GALM: variants seen among roughly 807,000 people sequenced by gnomAD.
GALM encodes galactose mutarotase.
Under a neutral mutation model 37.4 loss-of-function variants are expected in GALM, and 43 were observed. The ratio of observed to expected loss-of-function variants is 1.15; its 90% confidence interval spans 0.90 to 1.48. The LOEUF is 1.48. GALM is among the 40% of genes most tolerant of loss of function. The probability of loss-of-function intolerance (pLI) is 0.00; values close to 1 mark genes in which losing one functional copy is unlikely to be tolerated. For synonymous variants in GALM, 199 were observed against 170.6 expected (o/e 1.17, Z -1.30); for missense variants, 456 against 419.1 (o/e 1.09, Z -0.77).
At chr2:38,666,390 G>T in intron 1 of GALM, 39 bp downstream of exon 1, 1 of 1,491,874 alleles carries the variant, frequency 6.7e-7, no homozygotes, top group Non-Finnish European at 9.2e-7. Flanking sequence ...GCAGGCCCCA[G>T]GCCCACGCTA....
chr2:38,715,959 A>G (rs1352486485), intron 4 of GALM, among the ~76,000 whole-genome samples: 1 of 152,232 alleles, frequency 6.6e-6, no homozygotes, highest in Non-Finnish European at 1.5e-5. Context: ...AGCCTCCACA[A>G]ATTTATACAG....
intron 4 of GALM, among the ~76,000 whole-genome samples, chr2:38,717,000 C>T (rs1666281403): frequency 6.6e-6 from 1 of 152,196 alleles, no homozygotes; most frequent in South Asian, 2.1e-4. Flanking sequence ...CCTGTAATCC[C>T]AGCACTTTGG....
intron 4 of GALM, among the ~76,000 whole-genome samples, chr2:38,691,284 T>C (rs1242039975): frequency 6.6e-6 from 1 of 152,242 alleles, no homozygotes; most frequent in African/African-American, 2.4e-5. Flanking sequence ...GCATAATTTG[T>C]GCATTTAAAG....
Position 38,702,739 on chromosome 2 carries a change from C to A in GALM, c.634+12845C>A, listed in dbSNP as rs1665944032. On this transcript the variant is annotated intron_variant, in intron 4 of 6. Transcript: ENST00000272252. ...GCTAGAAGGGAGCTTCAGGCTTGGTCTCTTCGGGTTGAAGCTAGAAAACTA... is the reference window on the plus strand; with the variant it reads ...GCTAGAAGGGAGCTTCAGGCTTGGTATCTTCGGGTTGAAGCTAGAAAACTA... Among the ~76,000 whole-genome samples, 4 of 151,808 alleles carry A rather than the reference C, an allele frequency of 2.6e-5. No individual in the cohort carries two copies. The South Asian group carries it at 8.3e-4, about 32-fold the overall frequency.
At chr2:38,708,716 G>A (rs1275742421) in intron 4 of GALM, among the ~76,000 whole-genome samples, 2 of 144,838 alleles carry the variant, frequency 1.4e-5, no homozygotes, top group East Asian at 2.0e-4. Flanking sequence ...GTGATAGAGC[G>A]AGACTCTGTC....
At chr2:38,666,528 A>G (rs1362005883) in intron 1 of GALM, among the ~76,000 whole-genome samples, 177 bp downstream of exon 1, 1 of 152,222 alleles carries the variant, frequency 6.6e-6, no homozygotes, top group Non-Finnish European at 1.5e-5. Flanking sequence ...AGCATTTGGG[A>G]AAAACTGTAA....
intron 4 of GALM, among the ~76,000 whole-genome samples, chr2:38,714,217 G>A (rs567473457): frequency 1.3e-5 from 2 of 151,810 alleles, no homozygotes; most frequent in South Asian, 4.2e-4. Flanking sequence ...TTTTTGCGGG[G>A]GGGTTGTTGT....
chr2:38,677,490 C>T (rs558481947), intron 2 of GALM, among the ~76,000 whole-genome samples: 33 of 152,218 alleles, frequency 2.2e-4, no homozygotes, highest in Middle Eastern at 3.4e-3. Context: ...ATGTGCTCTG[C>T]CAGTATTAGG....
At chr2:38,725,938 C>T (rs1666477152) in intron 4 of GALM, among the ~76,000 whole-genome samples, 1 of 152,010 alleles carries the variant, frequency 6.6e-6, no homozygotes, top group Admixed American at 6.6e-5. Context: ...TCTCAAACTC[C>T]TGACCTCAAG....
chr2:38,716,966 T>C (rs1241700375), intron 4 of GALM, among the ~76,000 whole-genome samples: 1 of 152,138 alleles, frequency 6.6e-6, no homozygotes, highest in African/African-American at 2.4e-5. Flanking sequence ...ATTTACGCTA[T>C]GGGGCCGGGC....
intron 3 of GALM, among the ~76,000 whole-genome samples, chr2:38,684,623 T>C (rs1257441242): frequency 6.6e-6 from 1 of 152,138 alleles, no homozygotes; most frequent in Non-Finnish European, 1.5e-5. Flanking sequence ...CTGCCCAACA[T>C]GGTAAAAACC....
At chr2:38,673,605 T>C (rs915333593) in intron 1 of GALM, among the ~76,000 whole-genome samples, 4 of 152,018 alleles carry the variant, frequency 2.6e-5, no homozygotes, top group Non-Finnish European at 4.4e-5. Context: ...GGTCAGGAGA[T>C]CGAGACCATC....
At position 38,675,527 on chromosome 2, in the gene GALM, TTTTTTTTTTTTTTTTTTGTGTG is replaced by T. The variant is rs1665227191; in HGVS notation, c.191-383_191-362del. On this transcript the variant is annotated intron_variant, in intron 1 of 6. Transcript: ENST00000272252. ...CACCTTTGGATTGAGGGTTTTTTTG[TTTTTTTTTTTTTTTTTTGTGTG>T]TGTGTGTGTGTGTGTGTGTGTGTGT... is the stretch of plus-strand genomic sequence containing the variant. Among the ~76,000 whole-genome samples the T allele has an allele frequency of 1.0e-4, 6 of 58,258 alleles. No individual in the cohort carries two copies. In the East Asian group the frequency reaches 1.8e-3, roughly 17 times the overall value. 38.2% of individuals were successfully genotyped at this position (58,258 alleles called of 152,430 possible).
intron 4 of GALM, among the ~76,000 whole-genome samples, chr2:38,713,185 T>G (rs1666205299): frequency 1.3e-5 from 2 of 152,238 alleles, no homozygotes; most frequent in Admixed American, 1.3e-4. Context: ...CCCAAGCTGC[T>G]GGGAAGTAGC....
At chr2:38,706,566 G>C (rs79952471) in intron 4 of GALM, among the ~76,000 whole-genome samples, 60 of 150,916 alleles carry the variant, frequency 4.0e-4, no homozygotes, top group African/African-American at 1.4e-3. Context: ...TGTAGTCTCA[G>C]CTACTCGGGA....
intron 1 of GALM, chr2:38,669,136 T>C (rs1452920343): frequency 6.6e-6 from 1 of 152,210 alleles, no homozygotes; most frequent in Admixed American, 6.5e-5. Context: ...TATTGCCTTA[T>C]GCCCAATTTC....
intron 2 of GALM, among the ~76,000 whole-genome samples, chr2:38,676,894 C>G (rs570496460): frequency 6.6e-6 from 1 of 152,254 alleles, no homozygotes; most frequent in African/African-American, 2.4e-5. Flanking sequence ...TGGGTGCCCC[C>G]GTCCAACATG....
chr2:38,691,003 G>A (rs1159127010), intron 4 of GALM, among the ~76,000 whole-genome samples: 1 of 152,196 alleles, frequency 6.6e-6, no homozygotes, highest in Non-Finnish European at 1.5e-5. Flanking sequence ...TTGGTAGCAT[G>A]TGTCATCTTG....
At chr2:38,708,391 A>C (rs1666083854) in intron 4 of GALM, among the ~76,000 whole-genome samples, 1 of 152,216 alleles carries the variant, frequency 6.6e-6, no homozygotes, top group Non-Finnish European at 1.5e-5. Flanking sequence ...AGGGCCATGG[A>C]ATCTGTCCCA....
Sources: allele counts gnomAD v4.1 joint callset (sites outside exome capture counted in the v4.1 genomes callset), GRCh38; gene constraint gnomAD v4.1.1; transcripts MANE v1.5; gene names NCBI Gene and HGNC (gene_info 2026-07-23, HGNC 2026-07-21).